Variants in CMKLR2 observed in about 807,000 individuals in gnomAD.
CMKLR2 encodes chemerin-like receptor 2.
A neutral mutation model predicts 23.0 loss-of-function variants in CMKLR2; 18 were observed. The observed-to-expected ratio is 0.78, with a 90% CI of 0.54 to 1.16. CMKLR2 has a LOEUF of 1.16. CMKLR2 is among the 50% of genes most tolerant of loss of function. The pLI, the probability that CMKLR2 is intolerant of heterozygous loss-of-function variation, is 0.00. For missense variants in CMKLR2, 401 were observed against 412.7 expected (o/e 0.97, Z 0.25); for synonymous variants, 158 against 158.9 (o/e 0.99, Z 0.05).
At chr2:206,196,433 C>T (rs574570577) in intron 1 of CMKLR2, among the ~76,000 whole-genome samples, 6 of 150,072 alleles carry the variant, frequency 4.0e-5, no homozygotes, top group East Asian at 1.9e-4. Flanking sequence ...CAGGAGAGAG[C>T]GATGCTGAAT....
At chr2:206,214,154 T>A (rs1338725029), upstream of CMKLR2, among the ~76,000 whole-genome samples, 1 of 142,920 alleles carries the variant, frequency 7.0e-6, no homozygotes, top group African/African-American at 2.6e-5. Context: ...ACGCCTGGCC[T>A]TAAAGACTTG....
chr2:206,182,273 T>C (rs1688439944), intron 1 of CMKLR2, among the ~76,000 whole-genome samples: 1 of 152,156 alleles, frequency 6.6e-6, no homozygotes. Context: ...CAACCTGCAA[T>C]TGCAGAGTCA....
chr2:206,211,682 G>A (rs1689568962), intron 1 of CMKLR2, among the ~76,000 whole-genome samples: 1 of 150,708 alleles, frequency 6.6e-6, no homozygotes, highest in South Asian at 2.1e-4. Flanking sequence ...TTTCCCGTAA[G>A]TGCCCTTCTC....
intron 1 of CMKLR2, among the ~76,000 whole-genome samples, chr2:206,187,381 C>A (rs536516462): frequency 1.3e-5 from 2 of 152,124 alleles, no homozygotes; most frequent in Non-Finnish European, 2.9e-5. Flanking sequence ...AACTTTGGGG[C>A]AGAGCACAGC....
At chr2:206,197,801 T>C (rs1339029797) in intron 1 of CMKLR2, among the ~76,000 whole-genome samples, 8 of 152,212 alleles carry the variant, frequency 5.3e-5, no homozygotes, top group Non-Finnish European at 1.5e-5. Context: ...AGTGCTGGGA[T>C]TACAGGTGTG....
chr2:206,182,429 T>G (rs370656873), intron 1 of CMKLR2, among the ~76,000 whole-genome samples: 2 of 152,342 alleles, frequency 1.3e-5, no homozygotes, highest in East Asian at 1.9e-4. Flanking sequence ...GACTGTGAAC[T>G]CTTTGAGAAT....
At chr2:206,209,947 CCTTTTCTTT>C (rs998532221) in intron 1 of CMKLR2, among the ~76,000 whole-genome samples, 16 of 150,204 alleles carry the variant, frequency 1.1e-4, no homozygotes, top group African/African-American at 2.0e-4. Context: ...TGCGCCCGGC[CCTTTTCTTT>C]CTTTTCTTTC....
rs550154543 is a variant in CMKLR2 at position 206,176,179 on chromosome 2, C to T, written c.*1G>A. Reference sequence around the variant, plus strand: ...ATACTGATTTGTGGAAAAGTAATAACTTATTGAGCTGTTTCCAGGAGACAC... The same window carrying T: ...ATACTGATTTGTGGAAAAGTAATAATTTATTGAGCTGTTTCCAGGAGACAC... On this transcript the variant is annotated 3_prime_UTR_variant, in exon 2 of 2. Coordinates refer to ENST00000621141, the MANE Select transcript of CMKLR2 (RefSeq NM_001389445.1). The T allele has an allele frequency of 6.3e-7, 1 of 1,596,874 alleles. No individual in the cohort carries two copies. Among genetic ancestry groups the T allele is most frequent in the Non-Finnish European group, 8.5e-7 (1 of 1,171,614 alleles).
chr2:206,213,132 A>T (rs529262086), intron 1 of CMKLR2, among the ~76,000 whole-genome samples, 175 bp downstream of exon 1: 2 of 152,344 alleles, frequency 1.3e-5, no homozygotes, highest in South Asian at 2.1e-4. Context: ...TTTTGCCAAG[A>T]CCAAAAATAT....
At chr2:206,203,185 G>A (rs866690396) in intron 1 of CMKLR2, among the ~76,000 whole-genome samples, 2 of 136,990 alleles carry the variant, frequency 1.5e-5, no homozygotes, top group Non-Finnish European at 3.2e-5. Flanking sequence ...AAAATTAGCC[G>A]GGCATGGTGG....
intron 1 of CMKLR2, among the ~76,000 whole-genome samples, chr2:206,210,349 C>T (rs1196319279): frequency 3.3e-5 from 5 of 152,238 alleles, no homozygotes; most frequent in African/African-American, 1.2e-4. Flanking sequence ...CATGGCTGCA[C>T]AGTATTCCAT....
upstream of CMKLR2, among the ~76,000 whole-genome samples, chr2:206,216,234 AC>A (rs1400581949): frequency 6.6e-6 from 1 of 152,140 alleles, no homozygotes; most frequent in Non-Finnish European, 1.5e-5. Flanking sequence ...TGGGTGGATC[AC>A]CTGAGGTCTG....
chr2:206,185,669 A>G (rs1357561686), intron 1 of CMKLR2, among the ~76,000 whole-genome samples: 1 of 152,218 alleles, frequency 6.6e-6, no homozygotes, highest in Non-Finnish European at 1.5e-5. Context: ...GCAAACAAGT[A>G]AGAAATGGGC....
At chr2:206,212,910 A>G (rs1012836964) in intron 1 of CMKLR2, among the ~76,000 whole-genome samples, 3 of 152,220 alleles carry the variant, frequency 2.0e-5, no homozygotes, top group African/African-American at 7.2e-5. Flanking sequence ...TAGTTTCTCA[A>G]CAGTGAGCCT....
chr2:206,186,659 C>A (rs1420820228), intron 1 of CMKLR2, among the ~76,000 whole-genome samples: 1 of 152,120 alleles, frequency 6.6e-6, no homozygotes, highest in African/African-American at 2.4e-5. Context: ...TGAGGAGGAA[C>A]TCTTACCCCA....
At chr2:206,200,243 G>A (rs889382454) in intron 1 of CMKLR2, among the ~76,000 whole-genome samples, 4 of 151,956 alleles carry the variant, frequency 2.6e-5, no homozygotes, top group African/African-American at 9.7e-5. Context: ...GGGCAACACA[G>A]TGAAACCCCA....
chr2:206,186,958 C>T (rs932585443), intron 1 of CMKLR2, among the ~76,000 whole-genome samples: 4 of 151,914 alleles, frequency 2.6e-5, no homozygotes, highest in East Asian at 3.9e-4. Context: ...GAGGCTGAGG[C>T]GAGGGGACTG....
chr2:206,194,744 CTTT>C (rs745647131), intron 1 of CMKLR2, among the ~76,000 whole-genome samples: 80 of 76,846 alleles, frequency 1.0e-3, no homozygotes, highest in African/African-American at 3.8e-3. Flanking sequence ...CCATCATAGA[CTTT>C]TTTTTTTTTT....
intron 1 of CMKLR2, among the ~76,000 whole-genome samples, chr2:206,202,029 T>C (rs904515172): frequency 2.6e-5 from 4 of 152,218 alleles, no homozygotes; most frequent in Admixed American, 1.3e-4. Context: ...CTAAAGATTA[T>C]AGTTGTTAAA....
Sources: allele counts gnomAD v4.1 joint callset (sites outside exome capture counted in the v4.1 genomes callset), GRCh38; gene constraint gnomAD v4.1.1; transcripts MANE v1.5; gene names NCBI Gene and HGNC (gene_info 2026-07-23, HGNC 2026-07-21).